The following WIPI1 variants were observed in gnomAD, a reference collection of about 807,000 sequenced individuals.
The protein encoded by WIPI1 is WD repeat domain, phosphoinositide interacting 1, also known as WD repeat domain phosphoinositide-interacting protein 1.
A neutral mutation model predicts 55.3 loss-of-function variants in WIPI1; 45 were observed. The ratio of observed to expected loss-of-function variants is 0.81; its 90% confidence interval spans 0.64 to 1.04. WIPI1 has a LOEUF of 1.04. WIPI1 is among the 50% of genes least tolerant of loss of function. The probability of loss-of-function intolerance (pLI) is 0.00; values close to 1 mark genes in which losing one functional copy is unlikely to be tolerated. For missense variants in WIPI1, 445 were observed against 559.0 expected (o/e 0.80, Z 2.06); for synonymous variants, 195 against 217.6 (o/e 0.90, Z 0.92).
At chr17:68,447,034 A>G (rs1396191557) in intron 3 of WIPI1, among the ~76,000 whole-genome samples, 1 of 152,200 alleles carries the variant, frequency 6.6e-6, no homozygotes, top group Non-Finnish European at 1.5e-5. Flanking sequence ...CCGCAGAACC[A>G]TGGTCTTGCC....
chr17:68,435,525 T>G (rs2083740159), intron 6 of WIPI1, 95 bp downstream of exon 6: 2 of 1,221,756 alleles, frequency 1.6e-6, no homozygotes, highest in Non-Finnish European at 2.4e-6. Context: ...GACCAGTCAG[T>G]CTTCATGTCA....
At chr17:68,446,471 T>A (rs2084289218) in intron 3 of WIPI1, among the ~76,000 whole-genome samples, 1 of 152,160 alleles carries the variant, frequency 6.6e-6, no homozygotes, top group Admixed American at 6.5e-5. Flanking sequence ...CATGAGCTAC[T>A]GTGCCCAGCC....
intron 7 of WIPI1, among the ~76,000 whole-genome samples, chr17:68,433,971 C>T (rs1016770835): frequency 4.0e-5 from 6 of 151,756 alleles, no homozygotes; most frequent in African/African-American, 9.7e-5. Context: ...TTAGTAGAGA[C>T]GGTGTTTCAC....
At chr17:68,435,748 C>T (rs111524068) in intron 5 of WIPI1, 36 bp from the exon 6 acceptor site, 29 of 1,592,022 alleles carry the variant, frequency 1.8e-5, no homozygotes, top group African/African-American at 5.4e-5. Flanking sequence ...ACAGATGCTG[C>T]GGAGGAGGGA....
At chr17:68,435,084 G>A (rs974239783) in intron 6 of WIPI1, among the ~76,000 whole-genome samples, 9 of 152,044 alleles carry the variant, frequency 5.9e-5, no homozygotes, top group African/African-American at 2.2e-4. Flanking sequence ...GCATGTGCCT[G>A]TAATCTCAGC....
chr17:68,450,596 G>A (rs2084461713), intron 3 of WIPI1, 132 bp downstream of exon 3: 14 of 1,224,090 alleles, frequency 1.1e-5, no homozygotes, highest in South Asian at 1.0e-4. Flanking sequence ...CCCGGGACAC[G>A]GGGCCTGAGT....
At chr17:68,435,539 G>T in intron 6 of WIPI1, 81 bp downstream of exon 6, 2 of 1,372,502 alleles carry the variant, frequency 1.5e-6, no homozygotes, top group Non-Finnish European at 2.1e-6. Context: ...CATGTCACCA[G>T]GTTTGTTCAA....
chr17:68,457,191 G>A (rs1217732737), intron 1 of WIPI1, 151 bp downstream of exon 1: 3 of 884,732 alleles, frequency 3.4e-6, no homozygotes, highest in Admixed American at 2.9e-5. Flanking sequence ...GGGGTACGGG[G>A]ATAACAAGAT....
intron 3 of WIPI1, among the ~76,000 whole-genome samples, chr17:68,449,701 C>T (rs1263048489): frequency 6.6e-6 from 1 of 152,202 alleles, no homozygotes; most frequent in Admixed American, 6.6e-5. Flanking sequence ...GCTCCCTGAG[C>T]CCTCCCCAGA....
At chr17:68,452,720 C>T (rs2084542534) in intron 2 of WIPI1, among the ~76,000 whole-genome samples, 190 bp downstream of exon 2, 1 of 152,072 alleles carries the variant, frequency 6.6e-6, no homozygotes, top group Non-Finnish European at 1.5e-5. Flanking sequence ...AAACTGTTGC[C>T]AGATCTAAGT....
intron 4 of WIPI1, among the ~76,000 whole-genome samples, chr17:68,437,166 G>A (rs1462625266): frequency 6.6e-6 from 1 of 152,102 alleles, no homozygotes; most frequent in African/African-American, 2.4e-5. Flanking sequence ...ATAGTGAAAA[G>A]TCAGTACATA....
intron 6 of WIPI1, 144 bp from the exon 7 acceptor site, chr17:68,434,770 T>C (rs1052236189): frequency 7.9e-6 from 6 of 757,722 alleles, no homozygotes; most frequent in African/African-American, 3.5e-5. Flanking sequence ...GGCATGTTTA[T>C]TTATGTGCCA....
Position 68,426,252 on chromosome 17 carries a change from G to GGGGGGGGT in WIPI1, c.1193-78_1193-77insACCCCCCC. 7 of 828,186 alleles carry GGGGGGGGT rather than the reference G, an allele frequency of 8.5e-6. 1 individual carries two copies. The highest frequency in any genetic ancestry group is 2.7e-5 in the South Asian group (2 of 75,384). 51.3% of individuals were successfully genotyped at this position (828,186 alleles called of 1,614,324 possible). On this transcript the variant is annotated intron_variant, in intron 11 of 12. Coordinates refer to ENST00000262139, the MANE Select transcript of WIPI1 (RefSeq NM_017983.7). The stretch of plus-strand genomic sequence containing the variant: ...CCATGACCTGGCGGGTGGGGAGCGG[G>GGGGGGGGT]GGCTCAAATAAAGGGCAAAGGAAGC...
Position 68,452,955 on chromosome 17 carries a change from A to G in WIPI1, c.118T>C (p.Phe40Leu), listed in dbSNP as rs367753696. The G allele has an allele frequency of 6.2e-7, 1 of 1,613,978 alleles. No homozygotes were observed. Among genetic ancestry groups the G allele is most frequent in the African/African-American group, 1.3e-5 (1 of 74,914 alleles). ...ATGTKAGYKL[F>L]SLSSVEQLDQ... ...AGCTGCTCCACAGAACTCAGAGAAA[A>G]CAGCTTATACCCGGCTTTAGTTCCA... The change falls in exon 2 of 13, where the codon TTT becomes CTT. Residue 40 changes from phenylalanine to leucine, a missense_variant. Coordinates refer to ENST00000262139, the MANE Select transcript of WIPI1 (RefSeq NM_017983.7).
At chr17:68,436,629 C>G in intron 4 of WIPI1, 150 bp from the exon 5 acceptor site, 1 of 669,756 alleles carries the variant, frequency 1.5e-6, no homozygotes, top group Non-Finnish European at 2.5e-6. Context: ...GCTGATGATT[C>G]TTCTGATTAA....
chr17:68,452,828 C>T, intron 2 of WIPI1, 82 bp downstream of exon 2: 4 of 1,290,148 alleles, frequency 3.1e-6, no homozygotes, highest in Non-Finnish European at 4.4e-6. Flanking sequence ...AAATAGGCAG[C>T]TTGGTAGCAC....
At chr17:68,434,424 G>A in intron 7 of WIPI1, 132 bp downstream of exon 7, 3 of 829,714 alleles carry the variant, frequency 3.6e-6, no homozygotes, top group Non-Finnish European at 5.6e-6. Flanking sequence ...AATTACCTGG[G>A]AGAGTAGTTA....
At chr17:68,439,365 A>C (rs1446683419) in intron 4 of WIPI1, among the ~76,000 whole-genome samples, 1 of 152,222 alleles carries the variant, frequency 6.6e-6, no homozygotes, top group Admixed American at 6.5e-5. Context: ...TATGTGAAAG[A>C]AGTCAGTCAC....
Position 68,435,713 on chromosome 17 carries a change from C to A in WIPI1, c.529-1G>T. 6.2e-7 allele frequency: 1 copy of A among 1,614,168 alleles called. No individual in the cohort carries two copies. The highest frequency in any genetic ancestry group is 8.5e-7 in the Non-Finnish European group (1 of 1,179,984). On this transcript the variant is annotated splice_acceptor_variant, in intron 5 of 12. Transcript: ENST00000262139. LOFTEE classifies it high-confidence loss of function. ...GGGCAGCAATAGTGCAGACTGTTTT[C>A]TGTTGGTGAAAAGGAAAAATGGATA...
Sources: allele counts gnomAD v4.1 joint callset (sites outside exome capture counted in the v4.1 genomes callset), GRCh38; gene constraint gnomAD v4.1.1; transcripts MANE v1.5; gene names NCBI Gene and HGNC (gene_info 2026-07-23, HGNC 2026-07-21).